TMEM120B: variants seen among roughly 807,000 people sequenced by gnomAD.
TMEM120B encodes transmembrane protein 120B.
A neutral mutation model predicts 55.5 loss-of-function variants in TMEM120B; 31 were observed. That is an observed-to-expected ratio of 0.56 (90% CI 0.42 to 0.75). The LOEUF is 0.75. TMEM120B is among the 30% of genes least tolerant of loss of function. The pLI is 0.00. For missense variants in TMEM120B, 399 were observed against 425.5 expected (o/e 0.94, Z 0.55); for synonymous variants, 203 against 176.3 (o/e 1.15, Z -1.20).
chr12:121,743,619 T>C lies in TMEM120B; in HGVS notation c.70-10T>C. Reference sequence around the variant, plus strand: ...CCCACACACCCTCCCCCGGGTCCCCTGTTCTTCAGGAGACGCACAGGATCT... The same window carrying C: ...CCCACACACCCTCCCCCGGGTCCCCCGTTCTTCAGGAGACGCACAGGATCT... On this transcript the variant is annotated splice_polypyrimidine_tract_variant and intron_variant, in intron 1 of 11. Coordinates refer to ENST00000449592, the MANE Select transcript of TMEM120B (RefSeq NM_001080825.2). The C allele has an allele frequency of 6.2e-7, 1 of 1,610,758 alleles. No individual in the cohort carries two copies. The highest frequency in any genetic ancestry group is 8.5e-7 in the Non-Finnish European group (1 of 1,178,046).
At chr12:121,774,623 C>T in intron 9 of TMEM120B, 35 bp from the exon 10 acceptor site, 1 of 1,610,118 alleles carries the variant, frequency 6.2e-7, no homozygotes, top group Non-Finnish European at 8.5e-7. Flanking sequence ...AGCGGACCCC[C>T]TCAGCGGGTC....
At chr12:121,726,050 A>C (rs1387359415) in intron 1 of TMEM120B, among the ~76,000 whole-genome samples, 17 of 131,386 alleles carry the variant, frequency 1.3e-4, no homozygotes, top group African/African-American at 3.8e-4. Flanking sequence ...AAAAAAAAAC[A>C]AAAAAAAAAC....
rs528075153 is a variant in TMEM120B at position 121,771,125 on chromosome 12, G to T, written c.617+153G>T. ...TGAGCCTGCAGCTGCGCCGGGCTGC[G>T]CGGGCCCCACCCAGCCCGTGAGGGG... On this transcript the variant is annotated intron_variant, in intron 7 of 11. Coordinates refer to ENST00000449592, the MANE Select transcript of TMEM120B (RefSeq NM_001080825.2). 2.0e-5 allele frequency among the ~76,000 whole-genome samples: 3 copies of T among 152,256 alleles called. No homozygotes were observed. The South Asian group carries it at 6.2e-4, about 32-fold the overall frequency.
intron 1 of TMEM120B, among the ~76,000 whole-genome samples, chr12:121,728,467 C>T (rs868601304): frequency 4.0e-5 from 6 of 148,832 alleles, no homozygotes; most frequent in East Asian, 2.0e-4. Flanking sequence ...CCAGCCTGGG[C>T]GACAGAGCGA....
rs769369334 is a variant in TMEM120B at position 121,780,947 on chromosome 12, C to T, written c.*5225C>T. 3 of 1,613,938 alleles carry T rather than the reference C, an allele frequency of 1.9e-6. No individual in the cohort carries two copies. The highest frequency in any genetic ancestry group is 1.7e-6 in the Non-Finnish European group (2 of 1,179,988). ...GCTCCTTGTCCTTCCTCAGGTCTGT[C>T]TTGCAGCCGATGAGCACCATGGGGA... On this transcript the variant is annotated 3_prime_UTR_variant, in exon 12 of 12. Transcript: ENST00000449592.
At chr12:121,757,749 C>T (rs1000294405) in intron 5 of TMEM120B, among the ~76,000 whole-genome samples, 4 of 152,200 alleles carry the variant, frequency 2.6e-5, no homozygotes, top group Admixed American at 6.5e-5. Flanking sequence ...ATCTCCTGAC[C>T]TCGTGATCCA....
intron 4 of TMEM120B, 82 bp downstream of exon 4, chr12:121,750,521 G>T: frequency 1.0e-6 from 1 of 980,584 alleles, no homozygotes; most frequent in Non-Finnish European, 1.5e-6. Flanking sequence ...CCCACACTGA[G>T]AACCCACACC....
intron 1 of TMEM120B, among the ~76,000 whole-genome samples, chr12:121,732,705 C>T (rs533115442): frequency 9.9e-5 from 15 of 152,052 alleles, no homozygotes; most frequent in African/African-American, 1.9e-4. Context: ...CAAGGCCGGA[C>T]GCGGTGGCTC....
Position 121,775,067 on chromosome 12 carries a change from G to T in TMEM120B, c.843G>T (p.Trp281Cys), listed in dbSNP as rs1372105255. Residue 281 changes from tryptophan (W) to cysteine (C), a missense_variant, in exon 11 of 12, where the codon TGG (tryptophan) becomes TGT (cysteine). Transcript: ENST00000449592. This position sits in a 1 kb window ranked among gnomAD's most constrained non-coding sequence, Gnocchi z 4.3. ...LLPFLFCGHF[W>C]QLYNAVTLFE... ...GCGCCTGCCTTCCTCTCCAGTTCTG[G>T]CAGCTCTACAATGCCGTCACGCTGT... 6.3e-7 allele frequency: 1 copy of T among 1,593,990 alleles called. No individual in the cohort carries two copies. Among genetic ancestry groups the T allele is most frequent in the Admixed American group, 1.7e-5 (1 of 59,320 alleles).
chr12:121,767,532 T>C (rs562485019), intron 6 of TMEM120B, among the ~76,000 whole-genome samples: 85 of 152,320 alleles, frequency 5.6e-4, no homozygotes, highest in Non-Finnish European at 9.9e-4. Context: ...GGTTTCTTTC[T>C]GCAATGATAA....
Position 121,781,164 on chromosome 12 carries a change from G to A in TMEM120B, c.*5442G>A. 6.2e-7 allele frequency: 1 copy of A among 1,614,206 alleles called. No individual in the cohort carries two copies. Among genetic ancestry groups the A allele is most frequent in the Non-Finnish European group, 8.5e-7 (1 of 1,180,040 alleles). ...CGAGGTGGGTGTTCTGGTAGGACAG[G>A]GGCCGCAGCCGGTCATAGTCTTCTT... On this transcript the variant is annotated 3_prime_UTR_variant, in exon 12 of 12. Transcript: ENST00000449592.
chr12:121,760,877 T>G (rs1308781366), intron 5 of TMEM120B, among the ~76,000 whole-genome samples: 2 of 152,198 alleles, frequency 1.3e-5, no homozygotes, highest in Admixed American at 6.5e-5. Flanking sequence ...GGTAATTTTT[T>G]GTATTAAATA....
intron 6 of TMEM120B, among the ~76,000 whole-genome samples, chr12:121,762,911 C>T (rs1398529040): frequency 6.6e-6 from 1 of 152,058 alleles, no homozygotes; most frequent in Non-Finnish European, 1.5e-5. Context: ...CAGAGTCCCA[C>T]GGGGGAGTGG....
intron 5 of TMEM120B, among the ~76,000 whole-genome samples, chr12:121,755,681 A>AGGAGGTGATTCC (rs2137241390): frequency 6.6e-6 from 1 of 152,234 alleles, no homozygotes; most frequent in African/African-American, 2.4e-5. Context: ...CCCAGGAGAC[A>AGGAGGTGATTCC]CTGGTAGTGG....
In TMEM120B at chr12:121,775,266, C is replaced by T. The variant is rs1341066682; in HGVS notation, c.906+136C>T. On this transcript the variant is annotated intron_variant, in intron 11 of 11. Transcript: ENST00000449592. The surrounding 1 kb of genome is among the most constrained non-coding windows in gnomAD (Gnocchi z 4.3). The stretch of plus-strand genomic sequence containing the variant: ...GGCAGATGTGGGGGTGGGGTGTGTG[C>T]GTGTGTGTGGTGTGCTGTGGGGAGG... The T allele has an allele frequency of 2.6e-5, 22 of 840,968 alleles. No individual in the cohort carries two copies. Among genetic ancestry groups the T allele is most frequent in the Middle Eastern group, 4.0e-4 (1 of 2,488 alleles). 52.1% of individuals were successfully genotyped at this position (840,968 alleles called of 1,614,324 possible).
At chr12:121,722,150 A>C (rs1374152419) in intron 1 of TMEM120B, among the ~76,000 whole-genome samples, 1 of 116,226 alleles carries the variant, frequency 8.6e-6, no homozygotes, top group African/African-American at 3.3e-5. Flanking sequence ...CCAGGCTGGA[A>C]TACAGTGGCA....
At chr12:121,764,600 G>A (rs977946247) in intron 6 of TMEM120B, among the ~76,000 whole-genome samples, 5 of 152,040 alleles carry the variant, frequency 3.3e-5, no homozygotes, top group African/African-American at 4.8e-5. Flanking sequence ...GATTGTATGA[G>A]CCCAGGAGGT....
intron 1 of TMEM120B, among the ~76,000 whole-genome samples, chr12:121,714,175 C>G (rs1894652246): frequency 6.6e-6 from 1 of 152,160 alleles, no homozygotes; most frequent in Non-Finnish European, 1.5e-5. Context: ...GCCTTCTCTT[C>G]TAGGGCCTGG....
At chr12:121,752,982 C>T (rs374241771) in intron 5 of TMEM120B, among the ~76,000 whole-genome samples, 2 of 151,970 alleles carry the variant, frequency 1.3e-5, no homozygotes, top group Admixed American at 1.3e-4. Context: ...GTGGCTCACA[C>T]CTGTAATCTC....
Sources: allele counts gnomAD v4.1 joint callset (sites outside exome capture counted in the v4.1 genomes callset), GRCh38; gene constraint gnomAD v4.1.1; non-coding constraint Gnocchi (gnomAD v3.1); transcripts MANE v1.5; gene names NCBI Gene and HGNC (gene_info 2026-07-23, HGNC 2026-07-21).